The following NINL variants were observed in gnomAD, a reference collection of about 807,000 sequenced individuals.
NINL encodes ninein like.
A neutral mutation model predicts 160.3 loss-of-function variants in NINL; 153 were observed. The ratio of observed to expected loss-of-function variants is 0.95; its 90% CI spans 0.84 to 1.09. NINL has a LOEUF of 1.09. Among genes scored for constraint, NINL ranks in the 50% least tolerant of loss-of-function variants. The probability of loss-of-function intolerance (pLI) is 0.00; values close to 1 mark genes in which losing one functional copy is unlikely to be tolerated. For missense variants in NINL, 1,829 were observed against 1,764.0 expected (o/e 1.04, Z -0.66); for synonymous variants, 800 against 734.8 (o/e 1.09, Z -1.43).
intron 1 of NINL, among the ~76,000 whole-genome samples, chr20:25,541,728 AAATCTACTGTAAAGAAAGC>A (rs1009855966): frequency 6.6e-6 from 1 of 152,244 alleles, no homozygotes; most frequent in Non-Finnish European, 1.5e-5. Flanking sequence ...CTTCTAACAT[AAATCTACTGTAAAGAAAGC>A]AATAGTTCCT....
At chr20:25,577,579 C>T (rs1286431870) in intron 1 of NINL, among the ~76,000 whole-genome samples, 1 of 152,186 alleles carries the variant, frequency 6.6e-6, no homozygotes, top group Non-Finnish European at 1.5e-5. Context: ...CATTCCTATG[C>T]CCTTGAAACG....
In NINL at chr20:25,477,104, C is replaced by T; in HGVS notation, c.2202-15G>A. 1.3e-6 allele frequency: 2 copies of T among 1,576,358 alleles called. No individual in the cohort carries two copies. The highest frequency in any genetic ancestry group is 8.6e-7 in the Non-Finnish European group (1 of 1,169,026). ...CAGCCTCTCTCCTGTGGAAGTAGAA[C>T]CGTCACACACCACAGCCCTGCCGCC... is the stretch of plus-strand genomic sequence containing the variant. On this transcript the variant is annotated splice_polypyrimidine_tract_variant and intron_variant, in intron 16 of 23. Coordinates refer to ENST00000278886, the MANE Select transcript of NINL (RefSeq NM_025176.6).
chr20:25,582,026 G>A (rs1045501019), intron 1 of NINL, among the ~76,000 whole-genome samples: 3 of 152,156 alleles, frequency 2.0e-5, no homozygotes, highest in Non-Finnish European at 2.9e-5. Context: ...GGGAGGCCGA[G>A]CGGGGTGGAT....
chr20:25,500,909 G>T lies in NINL; in HGVS notation c.963C>A (p.Phe321Leu). The change falls in exon 8 of 24, where the codon TTC becomes TTA. Residue 321 changes from phenylalanine (F) to leucine (L), a missense_variant. Coordinates refer to ENST00000278886, the MANE Select transcript of NINL (RefSeq NM_025176.6). The stretch of plus-strand genomic sequence containing the variant: ...TGGCCAGGACCTGATCAGGAAAAGC[G>T]AAGCCAGAACCATCGTCAATGCTGG... ...LFSSIDDGSG[F>L]AFPDQVLAMW... is the part of the protein sequence containing the mutation. The T allele has an allele frequency of 6.2e-7, 1 of 1,614,232 alleles. No individual in the cohort carries two copies. The highest frequency in any genetic ancestry group is 8.5e-7 in the Non-Finnish European group (1 of 1,180,048).
chr20:25,528,675 A>G (rs921488523), intron 1 of NINL, among the ~76,000 whole-genome samples: 1 of 152,202 alleles, frequency 6.6e-6, no homozygotes, highest in Admixed American at 6.5e-5. Flanking sequence ...AAAAACATTA[A>G]AGCCCTAAAG....
chr20:25,477,069 A>G lies in NINL; in HGVS notation c.2222T>C (p.Leu741Pro). ...QQIRREAEAE[L>P]SGELSGLGAL... ...TCCCAGCCCCGACAGCTCTCCACTC[A>G]GCTCCGCCTCAGCCTCTCTCCTGTG... The change falls in exon 17 of 24, where the codon CTG becomes CCG. Residue 741 changes from leucine (L) to proline (P), a missense_variant. Leu to Pro is a moderately conservative substitution (Grantham distance 98). Coordinates refer to ENST00000278886, the MANE Select transcript of NINL (RefSeq NM_025176.6). 5 of 1,596,426 alleles carry G rather than the reference A, an allele frequency of 3.1e-6. No individual in the cohort carries two copies. The highest frequency in any genetic ancestry group is 3.4e-6 in the Non-Finnish European group (4 of 1,178,886).
intron 1 of NINL, among the ~76,000 whole-genome samples, chr20:25,580,273 G>A (rs1362076232): frequency 1.3e-5 from 2 of 151,938 alleles, no homozygotes; most frequent in African/African-American, 2.4e-5. Flanking sequence ...GGCAGAGGTT[G>A]CCGTGAGCCA....
At chr20:25,540,037 G>A (rs1178894127) in intron 1 of NINL, 3 of 1,288,474 alleles carry the variant, frequency 2.3e-6, no homozygotes, top group African/African-American at 1.5e-5. Context: ...CAGTTCAGAG[G>A]CCTCTTCAGT....
At chr20:25,471,901 G>A (rs982556827) in intron 17 of NINL, among the ~76,000 whole-genome samples, 1 of 152,150 alleles carries the variant, frequency 6.6e-6, no homozygotes, top group African/African-American at 2.4e-5. Flanking sequence ...CATACATGGA[G>A]CAAAGCCACC....
chr20:25,453,432 C>A lies in NINL; in HGVS notation c.*19G>T. On this transcript the variant is annotated 3_prime_UTR_variant, in exon 24 of 24. Transcript: ENST00000278886. ...TTAAAAGATGTGCTTTCGAATGAAT[C>A]CTAGAAAATAATCTGTCTTTACACA... The A allele has an allele frequency of 6.4e-7, 1 of 1,572,102 alleles. No individual in the cohort carries two copies. Among genetic ancestry groups the A allele is most frequent in the East Asian group, 2.3e-5 (1 of 44,216 alleles).
chr20:25,545,356 C>T (rs1250343392), intron 1 of NINL, among the ~76,000 whole-genome samples: 1 of 152,104 alleles, frequency 6.6e-6, no homozygotes, highest in Non-Finnish European at 1.5e-5. Flanking sequence ...AGCTTGTAAT[C>T]AACATTATCA....
Position 25,480,176 on chromosome 20 carries a change from G to T in NINL, c.1902C>A (p.Thr634=), listed in dbSNP as rs1038993423. Residue 634 remains threonine, a synonymous_variant, in exon 15 of 24, where the codon ACC becomes ACA. Transcript: ENST00000278886. The part of the protein sequence containing the change: ...QVKEHYQDLR[T]QLETKVNYYE... ...ATCCCCTCACCTTGGTCTCCAGCTGGGTCCTGAGGTCTTGGTAATGCTCCT... is the reference window on the plus strand; with the variant it reads ...ATCCCCTCACCTTGGTCTCCAGCTGTGTCCTGAGGTCTTGGTAATGCTCCT... The T allele has an allele frequency of 3.1e-6, 5 of 1,613,574 alleles. No individual in the cohort carries two copies. The African/African-American group carries it at 5.3e-5, about 17-fold the overall frequency.
intron 13 of NINL, among the ~76,000 whole-genome samples, chr20:25,485,061 A>G (rs1439448540): frequency 2.0e-5 from 3 of 152,238 alleles, no homozygotes; most frequent in African/African-American, 7.2e-5. Flanking sequence ...TTGCTATGAA[A>G]AAGCGAGGAG....
chr20:25,484,544 G>A (rs1165163163), intron 13 of NINL, among the ~76,000 whole-genome samples: 3 of 152,160 alleles, frequency 2.0e-5, no homozygotes, highest in African/African-American at 7.2e-5. Flanking sequence ...AAGCAGCCGA[G>A]GACTCTCACT....
intron 8 of NINL, among the ~76,000 whole-genome samples, chr20:25,500,169 C>T (rs533022584): frequency 6.6e-6 from 1 of 152,246 alleles, no homozygotes; most frequent in South Asian, 2.1e-4. Context: ...ATGCTGGGCC[C>T]CTGCACACCT....
intron 1 of NINL, among the ~76,000 whole-genome samples, chr20:25,584,814 A>AT (rs1395106287): frequency 6.6e-6 from 1 of 152,226 alleles, no homozygotes; most frequent in African/African-American, 2.4e-5. Context: ...ATCGATGATT[A>AT]TGAACCCAAC....
intron 5 of NINL, among the ~76,000 whole-genome samples, chr20:25,505,675 C>T (rs1432472276): frequency 1.3e-5 from 2 of 152,186 alleles, no homozygotes; most frequent in Non-Finnish European, 2.9e-5. Context: ...CGGGGAAGCA[C>T]AGCAATGCTG....
At chr20:25,464,527 C>T (rs1179304613) in intron 19 of NINL, among the ~76,000 whole-genome samples, 1 of 152,234 alleles carries the variant, frequency 6.6e-6, no homozygotes, top group Non-Finnish European at 1.5e-5. Flanking sequence ...ACCAACCTGC[C>T]TTCCATCCCA....
chr20:25,527,147 T>C (rs1046867887), intron 1 of NINL, among the ~76,000 whole-genome samples: 1 of 151,932 alleles, frequency 6.6e-6, no homozygotes, highest in African/African-American at 2.4e-5. Context: ...TTGACCAGCA[T>C]ACAATCTGAT....
Sources: allele counts gnomAD v4.1 joint callset (sites outside exome capture counted in the v4.1 genomes callset), GRCh38; gene constraint gnomAD v4.1.1; transcripts MANE v1.5; gene names NCBI Gene and HGNC (gene_info 2026-07-23, HGNC 2026-07-21).